PIK3C2A: variants seen among roughly 807,000 people sequenced by gnomAD.
PIK3C2A encodes the protein phosphatidylinositol-4-phosphate 3-kinase catalytic subunit type 2 alpha.
PIK3C2A carries 97 observed loss-of-function variants against 204.5 expected under a neutral mutation model. The ratio of observed to expected loss-of-function variants is 0.47; its 90% CI spans 0.40 to 0.56. The LOEUF is 0.56. Ranked by LOEUF, PIK3C2A falls within the 20% of genes least tolerant of loss-of-function variation. The pLI, the probability that PIK3C2A is intolerant of heterozygous loss-of-function variation, is 0.00. For missense variants in PIK3C2A, 1,735 were observed against 1,969.2 expected, an observed-to-expected ratio of 0.88 and a Z score of 2.25; for synonymous variants, 653 against 664.4, an observed-to-expected ratio of 0.98 and a Z score of 0.26.
chr11:17,131,365 AAAG>A (rs1337325967), intron 12 of PIK3C2A, among the ~76,000 whole-genome samples: 1 of 152,122 alleles, frequency 6.6e-6, no homozygotes, highest in Non-Finnish European at 1.5e-5. Flanking sequence ...CAAAGTCTAA[AAAG>A]AATGGTATGT....
chr11:17,153,674 A>G (rs1053953288), intron 3 of PIK3C2A, among the ~76,000 whole-genome samples: 15 of 152,238 alleles, frequency 9.9e-5, no homozygotes, highest in African/African-American at 3.6e-4. Context: ...AGAACTGGTA[A>G]TAAATTCCAA....
intron 20 of PIK3C2A, 54 bp from the exon 21 acceptor site, chr11:17,112,720 T>A (rs1719951170): frequency 2.5e-6 from 2 of 799,134 alleles, no homozygotes; most frequent in African/African-American, 1.8e-5. Context: ...GGATTTAGAA[T>A]TTTTTTTTGT....
At position 17,089,705 on chromosome 11, in the gene PIK3C2A, G is replaced by C; in HGVS notation, c.*33C>G. 1 of 1,484,672 alleles carries C rather than the reference G, an allele frequency of 6.7e-7. No homozygotes were observed. The highest frequency in any genetic ancestry group is 9.4e-7 in the Non-Finnish European group (1 of 1,067,782). The allele number at this position is 1,484,672 out of a possible 1,614,324, so 92.0% of individuals were successfully genotyped here. A position where few individuals can be genotyped will look rare whatever the true frequency, so the allele number is the denominator to read the frequency against. ...CATGTATGCATGCACGTTTATAACT[G>C]TTCATGCTTCCAAAGCTCAAACATT... On this transcript the variant is annotated 3_prime_UTR_variant, in exon 33 of 33. Coordinates refer to ENST00000691414, the MANE Select transcript of PIK3C2A (RefSeq NM_002645.4).
intron 30 of PIK3C2A, 103 bp downstream of exon 30, chr11:17,091,893 C>CA: frequency 1.2e-6 from 1 of 808,368 alleles, no homozygotes; most frequent in Admixed American, 1.9e-5. Flanking sequence ...CTCCCATTCT[C>CA]AGACTACAGC....
rs781088071 is a variant in PIK3C2A at position 17,120,013 on chromosome 11, AC to A, written c.2658-40del. On this transcript the variant is annotated intron_variant, in intron 15 of 32. Coordinates refer to ENST00000691414, the MANE Select transcript of PIK3C2A (RefSeq NM_002645.4). The stretch of plus-strand genomic sequence containing the variant: ...AGAATTAAATTACTTCTCAGTGATA[AC>A]ATAATGATATAATCTCAATGATTAA... 3.5e-6 allele frequency: 3 copies of A among 863,724 alleles called. No individual in the cohort carries two copies. The East Asian group carries it at 8.2e-5, about 24-fold the overall frequency. 53.5% of individuals were successfully genotyped at this position (863,724 alleles called of 1,614,324 possible). A position where few individuals can be genotyped will look rare whatever the true frequency, so the allele number is the denominator to read the frequency against.
At chr11:17,102,947 C>T in intron 23 of PIK3C2A, 116 bp from the exon 24 acceptor site, 1 of 627,206 alleles carries the variant, frequency 1.6e-6, no homozygotes, top group Non-Finnish European at 2.7e-6. Context: ...TCCACTCTCT[C>T]AATAGCATAC....
intron 17 of PIK3C2A, among the ~76,000 whole-genome samples, 190 bp downstream of exon 17, chr11:17,119,030 T>C (rs1232375160): frequency 6.6e-6 from 1 of 152,202 alleles, no homozygotes; most frequent in African/African-American, 2.4e-5. Flanking sequence ...CAGGTGCCTA[T>C]ATACAATATT....
At chr11:17,205,345 A>G (rs1424835153) in intron 1 of PIK3C2A, among the ~76,000 whole-genome samples, 1 of 149,242 alleles carries the variant, frequency 6.7e-6, no homozygotes, top group African/African-American at 2.5e-5. Flanking sequence ...ATAGCGGCAC[A>G]CGCCTGTAGT....
At position 17,145,513 on chromosome 11, in the gene PIK3C2A, G is replaced by A. The variant is rs1319866823; in HGVS notation, c.1704+155C>T. Among the ~76,000 whole-genome samples, 3 of 152,114 alleles carry A rather than the reference G, an allele frequency of 2.0e-5. No individual in the cohort carries two copies. The South Asian group carries it at 6.2e-4, about 32-fold the overall frequency. On this transcript the variant is annotated intron_variant, in intron 8 of 32. Coordinates refer to ENST00000691414, the MANE Select transcript of PIK3C2A (RefSeq NM_002645.4). ...GAGGCCTCCCCAGTCATGTTGAACTGTAAGTCAATTAAACCTATTTTCTTT... is the reference window on the plus strand; with the variant it reads ...GAGGCCTCCCCAGTCATGTTGAACTATAAGTCAATTAAACCTATTTTCTTT...
At chr11:17,163,044 G>A (rs936434420) in intron 2 of PIK3C2A, among the ~76,000 whole-genome samples, 3 of 152,060 alleles carry the variant, frequency 2.0e-5, no homozygotes, top group Non-Finnish European at 4.4e-5. Context: ...CGGTGGCCAC[G>A]CCTATAATCC....
intron 8 of PIK3C2A, chr11:17,138,272 A>T (rs1247102533): frequency 5.3e-6 from 4 of 758,642 alleles, no homozygotes; most frequent in Non-Finnish European, 9.2e-6. Context: ...ACAGGCTAGG[A>T]AAGCCTATGA....
intron 15 of PIK3C2A, among the ~76,000 whole-genome samples, chr11:17,120,729 C>T (rs1849342544): frequency 2.0e-5 from 3 of 152,122 alleles, no homozygotes; most frequent in Admixed American, 2.0e-4. Context: ...TGGTAATACA[C>T]TATATACACT....
intron 8 of PIK3C2A, among the ~76,000 whole-genome samples, chr11:17,141,097 G>A (rs1278682322): frequency 6.6e-6 from 1 of 152,152 alleles, no homozygotes; most frequent in Non-Finnish European, 1.5e-5. Flanking sequence ...ATACTGTGCG[G>A]AACCTTGAAG....
At chr11:17,175,989 C>A (rs1179993351) in intron 1 of PIK3C2A, among the ~76,000 whole-genome samples, 1 of 138,602 alleles carries the variant, frequency 7.2e-6, no homozygotes, top group African/African-American at 2.7e-5. Context: ...AATTAGGGTA[C>A]TTCCATGGAA....
intron 1 of PIK3C2A, among the ~76,000 whole-genome samples, chr11:17,206,070 C>T (rs1852562701): frequency 6.6e-6 from 1 of 152,056 alleles, no homozygotes; most frequent in Non-Finnish European, 1.5e-5. Context: ...TTGCAGTGAG[C>T]TCTCGTGCCA....
chr11:17,139,539 A>G (rs1050257859), intron 8 of PIK3C2A, among the ~76,000 whole-genome samples: 17 of 152,142 alleles, frequency 1.1e-4, no homozygotes, highest in African/African-American at 4.1e-4. Context: ...TTCCCTTTTC[A>G]AGTAACTAGT....
At chr11:17,106,053 G>C (rs1420095139) in intron 22 of PIK3C2A, among the ~76,000 whole-genome samples, 1 of 151,396 alleles carries the variant, frequency 6.6e-6, no homozygotes, top group African/African-American at 2.4e-5. Flanking sequence ...AGGTTGCAGT[G>C]AGCCAAGATA....
chr11:17,146,403 C>T (rs1424181779), intron 6 of PIK3C2A, among the ~76,000 whole-genome samples: 24 of 152,104 alleles, frequency 1.6e-4, no homozygotes, highest in Admixed American at 1.4e-3. Context: ...GTCTACATTA[C>T]GCAAATGTAG....
At chr11:17,180,131 G>A (rs1483021077) in intron 1 of PIK3C2A, among the ~76,000 whole-genome samples, 1 of 151,206 alleles carries the variant, frequency 6.6e-6, no homozygotes, top group Non-Finnish European at 1.5e-5. Flanking sequence ...TATGCATCAA[G>A]CACTGCTGCA....
Sources: gnomAD v4.1 joint callset for allele counts (sites outside exome capture counted in the v4.1 genomes callset) on GRCh38, gnomAD v4.1.1 for gene constraint, MANE v1.5 for transcripts, NCBI Gene and HGNC (gene_info 2026-07-23, HGNC 2026-07-21) for gene names.